The following RNF115 variants were observed in gnomAD, a reference collection of about 807,000 sequenced individuals.
RNF115 encodes E3 ubiquitin-protein ligase RNF115.
RNF115 carries 31 observed loss-of-function variants against 39.2 expected under a neutral mutation model. The observed-to-expected ratio is 0.79, with a 90% confidence interval of 0.59 to 1.07. The LOEUF is 1.07. Ranked by LOEUF, RNF115 falls within the 50% of genes least tolerant of loss-of-function variation. The pLI is 0.00. For missense variants in RNF115, 384 were observed against 381.7 expected (o/e 1.01, Z -0.05); for synonymous variants, 124 against 131.0 (o/e 0.95, Z 0.37).
At chr1:145,815,156 T>C (rs1197391353) in intron 1 of RNF115, among the ~76,000 whole-genome samples, 1 of 152,424 alleles carries the variant, frequency 6.6e-6, no homozygotes, top group African/African-American at 2.4e-5. Context: ...ATTAGAGTTA[T>C]TGCAAGTACA....
intron 1 of RNF115, among the ~76,000 whole-genome samples, chr1:145,798,541 T>C (rs1327048702): frequency 6.6e-6 from 1 of 152,208 alleles, no homozygotes; most frequent in Non-Finnish European, 1.5e-5. Context: ...GTTATGCCAG[T>C]ACCACACTAG....
At chr1:145,796,428 CTTTTT>C (rs35440164) in intron 1 of RNF115, among the ~76,000 whole-genome samples, 5 of 146,602 alleles carry the variant, frequency 3.4e-5, no homozygotes, top group African/African-American at 5.0e-5. Context: ...CCCATCTTAA[CTTTTT>C]TTTTTTTTTC....
At chr1:145,761,571 C>A (rs996352086) in intron 4 of RNF115, among the ~76,000 whole-genome samples, 5 of 152,250 alleles carry the variant, frequency 3.3e-5, no homozygotes, top group African/African-American at 9.6e-5. Context: ...AAGACAAGAA[C>A]TGAGGTTTGG....
At chr1:145,789,582 G>A (rs587712362) in intron 1 of RNF115, among the ~76,000 whole-genome samples, 28 of 149,308 alleles carry the variant, frequency 1.9e-4, no homozygotes, top group Admixed American at 1.7e-3. Context: ...ATTTTTAGGA[G>A]AGACGAGGTT....
rs1657628353 is a variant in RNF115, at chr1:145,739,547, A to G, written c.*7319T>C. On this transcript the variant is annotated 3_prime_UTR_variant, in exon 9 of 9. Coordinates refer to ENST00000582693, the MANE Select transcript of RNF115 (RefSeq NM_014455.4). Reference sequence around the variant, plus strand: ...ACCTGGATTCAAATTCTGGCTCTGCAACATACCAGCTATTTGTCATTGGGC... The same window carrying G: ...ACCTGGATTCAAATTCTGGCTCTGCGACATACCAGCTATTTGTCATTGGGC... 1 of 152,396 alleles carries G rather than the reference A, an allele frequency of 6.6e-6. No homozygotes were observed. The highest frequency in any genetic ancestry group is 6.6e-5 in the Admixed American group (1 of 15,264). The allele number at this position is 152,396 out of a possible 1,614,324, so 9.4% of individuals were successfully genotyped here.
intron 1 of RNF115, among the ~76,000 whole-genome samples, chr1:145,812,789 T>A (rs1649795060): frequency 6.6e-6 from 1 of 152,002 alleles, no homozygotes; most frequent in Non-Finnish European, 1.5e-5. Context: ...TCTATCTTTT[T>A]TTAATTTTTT....
intron 4 of RNF115, among the ~76,000 whole-genome samples, chr1:145,762,722 T>C (rs1472179999): frequency 6.6e-6 from 1 of 151,878 alleles, no homozygotes; most frequent in Non-Finnish European, 1.5e-5. Context: ...TCTCAAAATC[T>C]GAGATGTGAT....
intron 1 of RNF115, among the ~76,000 whole-genome samples, chr1:145,794,004 C>T (rs9730455): frequency 0.045 from 6,889 of 152,142 alleles, 537 homozygotes; most frequent in African/African-American, 0.16. Flanking sequence ...CCACCACACC[C>T]GGCTAATTTT....
At chr1:145,771,645 T>TCC in intron 4 of RNF115, 66 bp downstream of exon 4, 1 of 1,296,108 alleles carries the variant, frequency 7.7e-7, no homozygotes, top group Non-Finnish European at 1.1e-6. Flanking sequence ...CTTATAAAGA[T>TCC]TAGATTATAC....
Position 145,740,801 on chromosome 1 carries a change from T to C in RNF115, c.*6065A>G, listed in dbSNP as rs1399472957. On this transcript the variant is annotated 3_prime_UTR_variant, in exon 9 of 9. Transcript: ENST00000582693. Reference sequence around the variant, plus strand: ...TTATGTATTCTTTAATCAAAAATACTAATAATATGGCTATCAAGTTGTTGG... The same window carrying C: ...TTATGTATTCTTTAATCAAAAATACCAATAATATGGCTATCAAGTTGTTGG... 1 of 152,260 alleles carries C rather than the reference T, an allele frequency of 6.6e-6. No individual in the cohort carries two copies. Among genetic ancestry groups the C allele is most frequent in the Non-Finnish European group, 1.5e-5 (1 of 68,052 alleles). 9.4% of individuals were successfully genotyped at this position (152,260 alleles called of 1,614,324 possible).
At position 145,745,332 on chromosome 1, in the gene RNF115, G is replaced by A. The variant is rs1361701552; in HGVS notation, c.*1534C>T. ...ATGGTGGCACACGCCTGTAGTCCCA[G>A]CCACTTGGTAGGCTGAGGTGGGAGG... On this transcript the variant is annotated 3_prime_UTR_variant, in exon 9 of 9. Coordinates refer to ENST00000582693, the MANE Select transcript of RNF115 (RefSeq NM_014455.4). 4 of 152,302 alleles carry A rather than the reference G, an allele frequency of 2.6e-5. No homozygotes were observed. The highest frequency in any genetic ancestry group is 9.7e-5 in the African/African-American group (4 of 41,434). 9.4% of individuals were successfully genotyped at this position (152,302 alleles called of 1,614,324 possible).
chr1:145,799,154 G>C (rs1440929684), intron 1 of RNF115, among the ~76,000 whole-genome samples: 1 of 151,290 alleles, frequency 6.6e-6, no homozygotes, highest in Admixed American at 6.6e-5. Flanking sequence ...TGCAACCTCT[G>C]CCTCCTGGGT....
chr1:145,747,728 C>T (rs587766284), intron 8 of RNF115, among the ~76,000 whole-genome samples: 29 of 152,282 alleles, frequency 1.9e-4, no homozygotes, highest in Admixed American at 5.9e-4. Flanking sequence ...ACTCTGCTGA[C>T]GTAGCACAAA....
At chr1:145,778,366 G>C (rs1647973071) in intron 3 of RNF115, among the ~76,000 whole-genome samples, 1 of 152,134 alleles carries the variant, frequency 6.6e-6, no homozygotes, top group South Asian at 2.1e-4. Context: ...AATGTGTATG[G>C]GGATTCTTTT....
At chr1:145,765,340 C>G (rs1658728470) in intron 4 of RNF115, among the ~76,000 whole-genome samples, 1 of 151,950 alleles carries the variant, frequency 6.6e-6, no homozygotes, top group Non-Finnish European at 1.5e-5. Flanking sequence ...ACTTGCTTAT[C>G]TGCTGACCTT....
At chr1:145,800,233 A>T (rs1649167871) in intron 1 of RNF115, among the ~76,000 whole-genome samples, 1 of 152,214 alleles carries the variant, frequency 6.6e-6, no homozygotes, top group Non-Finnish European at 1.5e-5. Flanking sequence ...TAAGGGGGGA[A>T]GTCTACTTAT....
chr1:145,798,990 G>C (rs1321212233), intron 1 of RNF115, among the ~76,000 whole-genome samples: 3 of 150,878 alleles, frequency 2.0e-5, no homozygotes, highest in East Asian at 1.9e-4. Flanking sequence ...ACTAATTTTT[G>C]TGTGTTGATT....
intron 1 of RNF115, among the ~76,000 whole-genome samples, chr1:145,816,089 T>C (rs1418522709): frequency 5.3e-5 from 2 of 37,680 alleles, no homozygotes; most frequent in Admixed American, 3.0e-4. Context: ...TTTTTTGAGA[T>C]GGAGTCTCGC....
chr1:145,758,296 A>G (rs1553713478), intron 4 of RNF115, among the ~76,000 whole-genome samples: 1 of 152,140 alleles, frequency 6.6e-6, no homozygotes, highest in East Asian at 1.9e-4. Context: ...AGCCCTATGG[A>G]GAGGCCCAGA....
Sources: gnomAD v4.1 joint callset for allele counts (sites outside exome capture counted in the v4.1 genomes callset) on GRCh38, gnomAD v4.1.1 for gene constraint, MANE v1.5 for transcripts, NCBI Gene and HGNC (gene_info 2026-07-23, HGNC 2026-07-21) for gene names.